The following EIF5A2 variants were observed in gnomAD, a reference collection of about 807,000 sequenced individuals.
The protein encoded by EIF5A2 is eukaryotic translation initiation factor 5A-2.
Under a neutral mutation model 16.4 loss-of-function variants are expected in EIF5A2, and 15 were observed. That is an observed-to-expected ratio of 0.92 (90% CI 0.61 to 1.41). The LOEUF (loss-of-function observed/expected upper bound fraction) is 1.41. EIF5A2 is among the 40% of genes most tolerant of loss of function. The pLI, the probability that EIF5A2 is intolerant of heterozygous loss-of-function variation, is 0.00. For synonymous variants in EIF5A2, 48 were observed against 61.1 expected (o/e 0.79, Z 1.00); for missense variants, 144 against 189.5 (o/e 0.76, Z 1.41).
chr3:170,901,683 G>A (rs557262784), intron 3 of EIF5A2, among the ~76,000 whole-genome samples: 2 of 151,438 alleles, frequency 1.3e-5, no homozygotes, highest in Admixed American at 1.3e-4. Flanking sequence ...CTCGTGATCC[G>A]CCTGCCTCGG....
rs1002367493 is a variant in EIF5A2, at chr3:170,892,091, T to G, written c.*1269A>C. 3 of 152,654 alleles carry G rather than the reference T, an allele frequency of 2.0e-5. No homozygotes were observed. The highest frequency in any genetic ancestry group is 7.2e-5 in the African/African-American group (3 of 41,452). The allele number at this position is 152,654 out of a possible 1,614,324, so 9.5% of individuals were successfully genotyped here. ...AATCAATTTAAGGAATTCTCAGTTT[T>G]TGTTTAATAAATACATTAATGTCAA... is the stretch of plus-strand genomic sequence containing the variant. On this transcript the variant is annotated 3_prime_UTR_variant, in exon 5 of 5. Transcript: ENST00000295822.
At position 170,902,765 on chromosome 3, in the gene EIF5A2, C is replaced by T. The variant is rs1052904750; in HGVS notation, c.270+4224G>A. ...CTGGGATTACAGGCATGCACCACCA[C>T]GCCTGACTAATTTATGTATTTATTA... On this transcript the variant is annotated intron_variant, in intron 3 of 4. Coordinates refer to ENST00000295822, the MANE Select transcript of EIF5A2 (RefSeq NM_020390.6). Among the ~76,000 whole-genome samples the T allele has an allele frequency of 5.3e-5, 8 of 151,994 alleles. No individual in the cohort carries two copies. In the East Asian group the frequency reaches 7.8e-4, roughly 15 times the overall value.
chr3:170,890,960 T>C lies in EIF5A2; in HGVS notation c.*2400A>G, dbSNP rs1712519263. The C allele has an allele frequency of 6.6e-6, 1 of 152,590 alleles. No individual in the cohort carries two copies. Among genetic ancestry groups the C allele is most frequent in the Non-Finnish European group, 1.5e-5 (1 of 67,982 alleles). 9.5% of individuals were successfully genotyped at this position (152,590 alleles called of 1,614,324 possible). A position where few individuals can be genotyped will look rare whatever the true frequency, so the allele number is the denominator to read the frequency against. On this transcript the variant is annotated 3_prime_UTR_variant, in exon 5 of 5. Transcript: ENST00000295822. Reference sequence around the variant, plus strand: ...AGTCCCATATCTTTAAAATCTATACTTATATATCGAGTATTTACACTTCAT... The same window carrying C: ...AGTCCCATATCTTTAAAATCTATACCTATATATCGAGTATTTACACTTCAT...
rs1273392317 is a variant in EIF5A2, at chr3:170,891,302, G to C, written c.*2058C>G. 1 of 152,564 alleles carries C rather than the reference G, an allele frequency of 6.6e-6. No homozygotes were observed. The highest frequency in any genetic ancestry group is 1.5e-5 in the Non-Finnish European group (1 of 68,016). 9.5% of individuals were successfully genotyped at this position (152,564 alleles called of 1,614,324 possible). On this transcript the variant is annotated 3_prime_UTR_variant, in exon 5 of 5. Coordinates refer to ENST00000295822, the MANE Select transcript of EIF5A2 (RefSeq NM_020390.6). ...CACATTACAGAGTACTAAGAAACTAGAGCAGTATGTAGTAGGTACTTAAAT... is the reference window on the plus strand; with the variant it reads ...CACATTACAGAGTACTAAGAAACTACAGCAGTATGTAGTAGGTACTTAAAT...
At chr3:170,908,152 C>G (rs749118103) in intron 1 of EIF5A2, among the ~76,000 whole-genome samples, 99 of 152,340 alleles carry the variant, frequency 6.5e-4, no homozygotes, top group Non-Finnish European at 8.7e-4. Flanking sequence ...CGACCTTCCC[C>G]CGCCGCCCAG....
At chr3:170,894,499 C>T (rs1712619850) in intron 3 of EIF5A2, 76 bp from the exon 4 acceptor site, 13 of 1,316,200 alleles carry the variant, frequency 9.9e-6, no homozygotes, top group Non-Finnish European at 1.4e-5. Context: ...AGTTAAATTG[C>T]AATTGATATT....
At chr3:170,896,590 C>T (rs778899937) in intron 3 of EIF5A2, among the ~76,000 whole-genome samples, 14 of 152,308 alleles carry the variant, frequency 9.2e-5, no homozygotes, top group East Asian at 1.9e-4. Context: ...GCTTCCCCTT[C>T]GCCTTCTGCC....
In EIF5A2 at chr3:170,907,848, A is replaced by G; in HGVS notation, c.-35-7T>C. ...GGTAGTTTTTCCGTGGGAACTACAC[A>G]AAAAGTTTGTGTTTGCTTTTTAACA... On this transcript the variant is annotated splice_region_variant and splice_polypyrimidine_tract_variant and intron_variant, in intron 1 of 4. Transcript: ENST00000295822. The G allele has an allele frequency of 6.7e-7, 1 of 1,496,496 alleles. No homozygotes were observed. The highest frequency in any genetic ancestry group is 9.0e-7 in the Non-Finnish European group (1 of 1,110,752). The allele number at this position is 1,496,496 out of a possible 1,614,324, so 92.7% of individuals were successfully genotyped here. A position where few individuals can be genotyped will look rare whatever the true frequency, so the allele number is the denominator to read the frequency against.
intron 3 of EIF5A2, among the ~76,000 whole-genome samples, chr3:170,899,997 T>A (rs755938508): frequency 4.6e-5 from 7 of 150,854 alleles, no homozygotes; most frequent in Non-Finnish European, 1.0e-4. Context: ...GAGGTGAGGG[T>A]CAAAAAACTT....
rs927185092 is a variant in EIF5A2 at position 170,893,209 on chromosome 3, T to C, written c.*151A>G. On this transcript the variant is annotated 3_prime_UTR_variant, in exon 5 of 5. Coordinates refer to ENST00000295822, the MANE Select transcript of EIF5A2 (RefSeq NM_020390.6). ...TTGATAATTTTTTAAAAATTATCAA[T>C]TGCTTGCAAAACTAACCCAGCACAA... The C allele has an allele frequency of 6.9e-6, 4 of 583,836 alleles. No homozygotes were observed. The highest frequency in any genetic ancestry group is 3.9e-5 in the African/African-American group (2 of 51,718). 36.2% of individuals were successfully genotyped at this position (583,836 alleles called of 1,614,324 possible). A position where few individuals can be genotyped will look rare whatever the true frequency, so the allele number is the denominator to read the frequency against.
At chr3:170,903,067 T>C (rs1712854088) in intron 3 of EIF5A2, among the ~76,000 whole-genome samples, 1 of 152,014 alleles carries the variant, frequency 6.6e-6, no homozygotes, top group Admixed American at 6.5e-5. Flanking sequence ...GAACAAGAAG[T>C]CTTAATATGT....
chr3:170,908,334 T>C lies in EIF5A2; in HGVS notation c.-36+209A>G, dbSNP rs374860978. Among the ~76,000 whole-genome samples, 30 of 152,216 alleles carry C rather than the reference T, an allele frequency of 2.0e-4. 1 individual carries two copies. The highest frequency in any genetic ancestry group is 1.1e-3 in the Admixed American group (17 of 15,308). ...CCGCCGCGGCCGCACAGGCGCCCCC[T>C]GTTCTGCCGGCATCCAGGGCTCAGC... On this transcript the variant is annotated intron_variant, in intron 1 of 4. Transcript: ENST00000295822.
intron 3 of EIF5A2, among the ~76,000 whole-genome samples, chr3:170,905,550 C>T (rs34499097): frequency 0.17 from 25,229 of 152,238 alleles, 2,165 homozygotes; most frequent in Middle Eastern, 0.25. Context: ...CAACATTCTA[C>T]GCTCAACTTT....
rs1438594213 is a variant in EIF5A2 at position 170,889,684 on chromosome 3, C to T, written c.*3676G>A. On this transcript the variant is annotated 3_prime_UTR_variant, in exon 5 of 5. Coordinates refer to ENST00000295822, the MANE Select transcript of EIF5A2 (RefSeq NM_020390.6). ...CGTTCCTAGTTCATATTACAGAATT[C>T]AGTATGTAAACATTTCAGTGTACCC... is the stretch of plus-strand genomic sequence containing the variant. The T allele has an allele frequency of 6.6e-6, 1 of 152,436 alleles. No individual in the cohort carries two copies. Among genetic ancestry groups the T allele is most frequent in the Non-Finnish European group, 1.5e-5 (1 of 67,928 alleles). The allele number at this position is 152,436 out of a possible 1,614,324, so 9.4% of individuals were successfully genotyped here.
At chr3:170,901,491 T>C (rs1261918224) in intron 3 of EIF5A2, among the ~76,000 whole-genome samples, 1 of 152,034 alleles carries the variant, frequency 6.6e-6, no homozygotes, top group African/African-American at 2.4e-5. Context: ...TGGGAAACTA[T>C]TTTGCCTGCA....
intron 3 of EIF5A2, among the ~76,000 whole-genome samples, chr3:170,901,193 A>T (rs1175167047): frequency 6.6e-6 from 1 of 152,238 alleles, no homozygotes; most frequent in Non-Finnish European, 1.5e-5. Flanking sequence ...CTTTGTCAAA[A>T]AATTGCAGAG....
At chr3:170,904,830 C>T (rs1462420249) in intron 3 of EIF5A2, among the ~76,000 whole-genome samples, 2 of 152,180 alleles carry the variant, frequency 1.3e-5, no homozygotes, top group Non-Finnish European at 2.9e-5. Flanking sequence ...GTTGTATTAA[C>T]TAATTAAACC....
chr3:170,904,435 A>T (rs1176093361), intron 3 of EIF5A2, among the ~76,000 whole-genome samples: 1 of 152,248 alleles, frequency 6.6e-6, no homozygotes, highest in African/African-American at 2.4e-5. Context: ...TATTTAATCA[A>T]GGCACTTGGT....
In EIF5A2 at chr3:170,892,911, G is replaced by A. The variant is rs1311182475; in HGVS notation, c.*449C>T. ...TGTGTTTGCCCTACACAGGCTGAAA[G>A]TGCAACAATTCCAATATATAATCAG... is the stretch of plus-strand genomic sequence containing the variant. On this transcript the variant is annotated 3_prime_UTR_variant, in exon 5 of 5. Transcript: ENST00000295822. The A allele has an allele frequency of 5.0e-6, 2 of 398,938 alleles. No individual in the cohort carries two copies. The highest frequency in any genetic ancestry group is 3.6e-5 in the East Asian group (1 of 28,058). The allele number at this position is 398,938 out of a possible 1,614,324, so 24.7% of individuals were successfully genotyped here.
Sources: allele counts gnomAD v4.1 joint callset (sites outside exome capture counted in the v4.1 genomes callset), GRCh38; gene constraint gnomAD v4.1.1; transcripts MANE v1.5; gene names NCBI Gene and HGNC (gene_info 2026-07-23, HGNC 2026-07-21).